The following MYT1L variants were observed in gnomAD, a reference collection of about 807,000 sequenced individuals.
The protein encoded by MYT1L is myelin transcription factor 1 like, also known as myelin transcription factor 1-like protein.
In MYT1L, 12 loss-of-function variants were observed where a neutral mutation model predicts 126.7. The ratio of observed to expected loss-of-function variants is 0.09; its 90% CI spans 0.06 to 0.15. MYT1L has a LOEUF of 0.15. Among genes scored for constraint, MYT1L ranks in the 10% least tolerant of loss-of-function variants. MYT1L has a pLI of 1.00. For missense variants in MYT1L, 979 were observed against 1,585.2 expected (o/e 0.62, Z 6.49); for synonymous variants, 541 against 604.2 (o/e 0.90, Z 1.53).
At chr2:1,933,727 G>T (rs1052052329) in intron 9 of MYT1L, among the ~76,000 whole-genome samples, 1 of 152,110 alleles carries the variant, frequency 6.6e-6, no homozygotes, top group African/African-American at 2.4e-5. Context: ...GGTGCCCAGT[G>T]CCCAGGTGTG....
chr2:1,988,053 T>C (rs2061181867), intron 5 of MYT1L, among the ~76,000 whole-genome samples: 1 of 152,246 alleles, frequency 6.6e-6, no homozygotes, highest in South Asian at 2.1e-4. Flanking sequence ...CCATAGACTT[T>C]GCACATGCCT....
At chr2:2,190,428 A>G (rs534736551) in intron 2 of MYT1L, among the ~76,000 whole-genome samples, 1 of 148,178 alleles carries the variant, frequency 6.7e-6, no homozygotes, top group African/African-American at 2.5e-5. Context: ...TGGTGTAATG[A>G]GAAGGAAACC....
rs546172755 is a variant in MYT1L, at chr2:1,887,336, G to A, written c.2642+152C>T. Reference sequence around the variant, plus strand: ...GGAACAGGCAAGTGCACGGTTAGCTGCTCACTCTACTGACCCAGCAGTCGG... The same window carrying A: ...GGAACAGGCAAGTGCACGGTTAGCTACTCACTCTACTGACCCAGCAGTCGG... On this transcript the variant is annotated intron_variant, in intron 17 of 24. Transcript: ENST00000647738. This position sits in a 1 kb window ranked among gnomAD's most constrained non-coding sequence, Gnocchi z 4.8. Among the ~76,000 whole-genome samples the A allele has an allele frequency of 6.6e-6, 1 of 152,324 alleles. No individual in the cohort carries two copies. Among genetic ancestry groups the A allele is most frequent in the Admixed American group, 6.5e-5 (1 of 15,296 alleles).
intron 18 of MYT1L, among the ~76,000 whole-genome samples, chr2:1,859,081 G>A (rs756964182): frequency 4.9e-4 from 75 of 152,308 alleles, no homozygotes; most frequent in Admixed American, 2.2e-3. Context: ...TGGGTCTCCC[G>A]GGAGGCTTTG....
intron 3 of MYT1L, among the ~76,000 whole-genome samples, chr2:2,062,027 T>C (rs1308192221): frequency 1.3e-5 from 2 of 152,162 alleles, no homozygotes; most frequent in Non-Finnish European, 2.9e-5. Context: ...CTGCGCGGTT[T>C]CCCATCATGA....
chr2:2,093,147 T>G (rs2077064553), intron 3 of MYT1L, among the ~76,000 whole-genome samples: 1 of 152,194 alleles, frequency 6.6e-6, no homozygotes, highest in Non-Finnish European at 1.5e-5. Context: ...CATTAGAGTT[T>G]GTCTCCCTCA....
At position 1,889,224 on chromosome 2, in the gene MYT1L, C is replaced by T; in HGVS notation, c.2520+17G>A. The T allele has an allele frequency of 1.2e-6, 2 of 1,600,364 alleles. No individual in the cohort carries two copies. Among genetic ancestry groups the T allele is most frequent in the African/African-American group, 1.3e-5 (1 of 74,824 alleles). ...TTAAGTCTGGCAGTCAACACAGGCT[C>T]AATGAAAAGGACATACAGTAATGTC... On this transcript the variant is annotated intron_variant, in intron 16 of 24. Coordinates refer to ENST00000647738, the MANE Select transcript of MYT1L (RefSeq NM_001303052.2). The surrounding 1 kb of genome is among the most constrained non-coding windows in gnomAD (Gnocchi z 4.1).
At chr2:2,309,914 GTA>G (rs1472424103) in intron 1 of MYT1L, among the ~76,000 whole-genome samples, 1 of 151,464 alleles carries the variant, frequency 6.6e-6, no homozygotes, top group Non-Finnish European at 1.5e-5. Flanking sequence ...TTACACTTCA[GTA>G]TACTGTATCT....
At chr2:2,185,642 G>A (rs1425940782) in intron 2 of MYT1L, among the ~76,000 whole-genome samples, 2 of 141,708 alleles carry the variant, frequency 1.4e-5, no homozygotes, top group East Asian at 4.3e-4. Flanking sequence ...GGCGGACGCA[G>A]CCGGGCCTCC....
At chr2:1,844,119 G>A (rs1242407987) in intron 19 of MYT1L, among the ~76,000 whole-genome samples, 1 of 152,098 alleles carries the variant, frequency 6.6e-6, no homozygotes, top group Non-Finnish European at 1.5e-5. Context: ...CACTTGGTGG[G>A]CAGCTCGGCA....
chr2:2,288,109 T>C (rs977356444), intron 1 of MYT1L, among the ~76,000 whole-genome samples: 2 of 152,196 alleles, frequency 1.3e-5, no homozygotes, highest in Non-Finnish European at 2.9e-5. Flanking sequence ...GATATATTTA[T>C]AATGACCTAA....
intron 19 of MYT1L, among the ~76,000 whole-genome samples, chr2:1,844,552 G>C (rs958863852): frequency 1.3e-5 from 2 of 152,190 alleles, no homozygotes; most frequent in African/African-American, 4.8e-5. Context: ...CGCCAAGGGA[G>C]AGAAGGAAGA....
At chr2:1,849,018 A>G (rs1038781823) in intron 19 of MYT1L, among the ~76,000 whole-genome samples, 20 of 152,202 alleles carry the variant, frequency 1.3e-4, no homozygotes, top group African/African-American at 4.8e-4. Context: ...CCAGGCATAG[A>G]TGGTAGCTTA....
intron 8 of MYT1L, among the ~76,000 whole-genome samples, chr2:1,965,573 A>C (rs1215752227): frequency 6.6e-6 from 1 of 152,226 alleles, no homozygotes; most frequent in Middle Eastern, 3.2e-3. Context: ...GGTAGGCTGG[A>C]GACAGAGGGG....
chr2:1,948,556 G>A (rs2057449125), intron 8 of MYT1L, among the ~76,000 whole-genome samples: 2 of 152,214 alleles, frequency 1.3e-5, no homozygotes, highest in African/African-American at 2.4e-5. Context: ...GCAATTCTGG[G>A]ACATGAGTTT....
Position 1,929,188 on chromosome 2 carries a change from G to A in MYT1L, c.506-5925C>T, listed in dbSNP as rs930484423. Among the ~76,000 whole-genome samples, 2 of 152,100 alleles carry A rather than the reference G, an allele frequency of 1.3e-5. No homozygotes were observed. The highest frequency in any genetic ancestry group is 4.8e-5 in the African/African-American group (2 of 41,422). On this transcript the variant is annotated intron_variant, in intron 9 of 24. Transcript: ENST00000647738. The surrounding 1 kb of genome is among the most constrained non-coding windows in gnomAD (Gnocchi z 4.7). Reference sequence around the variant, plus strand: ...AGGGGAGAAGTCACTTTCCCAGCCCGGGTGGCCTTCAGTCGGGCACCTCTC... The same window carrying A: ...AGGGGAGAAGTCACTTTCCCAGCCCAGGTGGCCTTCAGTCGGGCACCTCTC...
At chr2:2,123,953 C>A (rs1440588082) in intron 3 of MYT1L, among the ~76,000 whole-genome samples, 1 of 152,210 alleles carries the variant, frequency 6.6e-6, no homozygotes, top group African/African-American at 2.4e-5. Flanking sequence ...AACAGCCTCT[C>A]TTGGAGCCTC....
At chr2:2,005,237 C>CTCCTGCAGGCGTTCTT (rs2063106063) in intron 4 of MYT1L, among the ~76,000 whole-genome samples, 1 of 10,110 alleles carries the variant, frequency 9.9e-5, no homozygotes, top group Admixed American at 9.8e-4. Flanking sequence ...CGTGCCTTCT[C>CTCCTGCAGGCGTTCTT]TCCTGCAGGC....
intron 2 of MYT1L, among the ~76,000 whole-genome samples, chr2:2,236,891 G>A (rs755851259): frequency 6.7e-6 from 1 of 148,842 alleles, no homozygotes. Flanking sequence ...TCGGCTCACT[G>A]TAACCTCTGC....
Sources: allele counts gnomAD v4.1 joint callset (sites outside exome capture counted in the v4.1 genomes callset), GRCh38; gene constraint gnomAD v4.1.1; non-coding constraint Gnocchi (gnomAD v3.1); transcripts MANE v1.5; gene names NCBI Gene and HGNC (gene_info 2026-07-23, HGNC 2026-07-21).